PDSS2: variants seen among roughly 807,000 people sequenced by gnomAD.
PDSS2 encodes the protein all trans-polyprenyl-diphosphate synthase PDSS2.
PDSS2 carries 31 observed loss-of-function variants against 44.5 expected under a neutral mutation model. The ratio of observed to expected loss-of-function variants is 0.70; its 90% CI spans 0.52 to 0.94. PDSS2 has a LOEUF of 0.94. Among genes scored for constraint, PDSS2 ranks in the 40% least tolerant of loss-of-function variants. PDSS2 has a pLI of 0.00. For synonymous variants in PDSS2, 157 were observed against 180.3 expected, an observed-to-expected ratio of 0.87 and a Z score of 1.03; for missense variants, 452 against 482.2, an observed-to-expected ratio of 0.94 and a Z score of 0.59.
intron 6 of PDSS2, among the ~76,000 whole-genome samples, chr6:107,203,506 C>T (rs935617005): frequency 5.3e-5 from 8 of 152,050 alleles, no homozygotes; most frequent in African/African-American, 1.7e-4. Flanking sequence ...TTCCTTTCAT[C>T]GTATATAATA....
chr6:107,280,100 C>T (rs1775910781), intron 2 of PDSS2, among the ~76,000 whole-genome samples: 1 of 152,078 alleles, frequency 6.6e-6, no homozygotes. Context: ...TGCTCTGTCA[C>T]CCAGGCTGGA....
intron 4 of PDSS2, among the ~76,000 whole-genome samples, chr6:107,218,417 A>G (rs1773490211): frequency 6.6e-6 from 1 of 152,058 alleles, no homozygotes; most frequent in Admixed American, 6.5e-5. Flanking sequence ...TAGATTTCTC[A>G]TTACTTTTGG....
At chr6:107,197,294 A>G (rs1226007539) in intron 6 of PDSS2, among the ~76,000 whole-genome samples, 1 of 151,800 alleles carries the variant, frequency 6.6e-6, no homozygotes, top group Non-Finnish European at 1.5e-5. Context: ...CCCTCAACCT[A>G]TAGGATCTGA....
At chr6:107,230,156 T>C (rs1287158876) in intron 4 of PDSS2, 1 of 152,564 alleles carries the variant, frequency 6.6e-6, no homozygotes, top group Non-Finnish European at 1.5e-5. Context: ...GGAGTAAAGA[T>C]TTTGCAATGA....
chr6:107,454,558 T>A (rs73514946), intron 1 of PDSS2, among the ~76,000 whole-genome samples: 10 of 152,134 alleles, frequency 6.6e-5, no homozygotes, highest in African/African-American at 2.4e-4. Context: ...AGAATATATG[T>A]CACATCTAGG....
intron 2 of PDSS2, among the ~76,000 whole-genome samples, chr6:107,302,911 T>C (rs1275273703): frequency 6.6e-6 from 1 of 152,042 alleles, no homozygotes; most frequent in Non-Finnish European, 1.5e-5. Flanking sequence ...CATGTTAAAA[T>C]GATATTTTAG....
intron 1 of PDSS2, among the ~76,000 whole-genome samples, chr6:107,401,813 C>A (rs561211625): frequency 6.6e-6 from 1 of 151,980 alleles, no homozygotes; most frequent in Non-Finnish European, 1.5e-5. Context: ...TGCAGACAGG[C>A]CTTTTGAACT....
At chr6:107,404,184 G>A (rs1583042229) in intron 1 of PDSS2, among the ~76,000 whole-genome samples, 1 of 152,110 alleles carries the variant, frequency 6.6e-6, no homozygotes, top group Non-Finnish European at 1.5e-5. Context: ...GTCACCTTCG[G>A]TCCAGTTCCC....
At chr6:107,445,874 G>A (rs1388851489) in intron 1 of PDSS2, among the ~76,000 whole-genome samples, 1 of 152,174 alleles carries the variant, frequency 6.6e-6, no homozygotes, top group Non-Finnish European at 1.5e-5. Flanking sequence ...GTTAAGTACT[G>A]ACAGAGATGA....
chr6:107,219,700 AC>A (rs1161481876), intron 4 of PDSS2, among the ~76,000 whole-genome samples: 1 of 152,198 alleles, frequency 6.6e-6, no homozygotes, highest in East Asian at 1.9e-4. Context: ...ATATTATGAC[AC>A]AGCAGTTAAT....
chr6:107,344,662 T>C (rs1778184891), intron 1 of PDSS2, among the ~76,000 whole-genome samples: 1 of 151,886 alleles, frequency 6.6e-6, no homozygotes, highest in African/African-American at 2.4e-5. Context: ...GAAGAGAAAG[T>C]AGAATGGGGG....
At chr6:107,302,524 T>C (rs1776729612) in intron 2 of PDSS2, among the ~76,000 whole-genome samples, 1 of 152,150 alleles carries the variant, frequency 6.6e-6, no homozygotes. Flanking sequence ...TGCCTCGGCC[T>C]TTCTAAACGC....
intron 1 of PDSS2, among the ~76,000 whole-genome samples, chr6:107,335,843 A>G (rs1777869465): frequency 6.6e-6 from 1 of 152,202 alleles, no homozygotes; most frequent in Non-Finnish European, 1.5e-5. Flanking sequence ...ATGCAGTAAG[A>G]AAACAAAAAT....
At chr6:107,212,990 G>A (rs1025726001) in intron 4 of PDSS2, among the ~76,000 whole-genome samples, 5 of 151,944 alleles carry the variant, frequency 3.3e-5, no homozygotes, top group African/African-American at 9.7e-5. Context: ...GGATGACAGA[G>A]CAAGACCCTG....
At chr6:107,324,667 C>T (rs1035740317) in intron 2 of PDSS2, among the ~76,000 whole-genome samples, 16 of 152,082 alleles carry the variant, frequency 1.1e-4, no homozygotes, top group Admixed American at 3.9e-4. Flanking sequence ...TTTGCATTCA[C>T]ATGTTATCTT....
chr6:107,281,258 C>T (rs369990812), intron 2 of PDSS2, among the ~76,000 whole-genome samples: 1 of 152,022 alleles, frequency 6.6e-6, no homozygotes. Flanking sequence ...CCTGGTAGAG[C>T]AAAAAGAATT....
Position 107,210,533 on chromosome 6 carries a change from G to C in PDSS2, c.914C>G (p.Thr305Ser), listed in dbSNP as rs750695905. ...SDVQPFIKEK[T>S]SDSMTFNLNS... ...TAGATTAAAAGTCATGGAGTCACTGGTCTTTTCTTTAATAAAAGGCTGGAC... is the reference window on the plus strand; with the variant it reads ...TAGATTAAAAGTCATGGAGTCACTGCTCTTTTCTTTAATAAAAGGCTGGAC... Residue 305 changes from threonine to serine, a missense_variant, in exon 6 of 8, where the codon ACC (threonine) becomes AGC (serine). Thr to Ser is a moderately conservative substitution (Grantham distance 58, BLOSUM62 1). Transcript: ENST00000369037. The C allele has an allele frequency of 2.5e-6, 4 of 1,602,126 alleles. No individual in the cohort carries two copies. In the South Asian group the frequency reaches 4.4e-5, roughly 18 times the overall value.
intron 4 of PDSS2, among the ~76,000 whole-genome samples, chr6:107,214,473 C>T (rs959069692): frequency 6.6e-6 from 1 of 152,134 alleles, no homozygotes; most frequent in East Asian, 1.9e-4. Context: ...TTTAAGTGCT[C>T]AGCATTGGAC....
At chr6:107,187,175 T>G (rs1206890149) in intron 7 of PDSS2, among the ~76,000 whole-genome samples, 1 of 152,200 alleles carries the variant, frequency 6.6e-6, no homozygotes, top group Admixed American at 6.5e-5. Context: ...CTTCTCTATG[T>G]TACTTGGATT....
Sources: gnomAD v4.1 joint callset for allele counts (sites outside exome capture counted in the v4.1 genomes callset) on GRCh38, gnomAD v4.1.1 for gene constraint, MANE v1.5 for transcripts, NCBI Gene and HGNC (gene_info 2026-07-23, HGNC 2026-07-21) for gene names.